The following ZFPM2 variants were observed in gnomAD, a reference collection of about 807,000 sequenced individuals.
ZFPM2 encodes the protein zinc finger protein, FOG family member 2, also known as zinc finger protein ZFPM2.
Under a neutral mutation model 98.6 loss-of-function variants are expected in ZFPM2, and 20 were observed. The ratio of observed to expected loss-of-function variants is 0.20; its 90% confidence interval spans 0.14 to 0.29. The LOEUF (loss-of-function observed/expected upper bound fraction) is 0.29. Among genes scored for constraint, ZFPM2 ranks in the 10% least tolerant of loss-of-function variants. The pLI, the probability that ZFPM2 is intolerant of heterozygous loss-of-function variation, is 1.00. For synonymous variants in ZFPM2, 518 were observed against 502.7 expected (o/e 1.03, Z -0.41); for missense variants, 1,310 against 1,388.6 (o/e 0.94, Z 0.90).
chr8:105,692,588 A>G (rs1293556103), intron 5 of ZFPM2, among the ~76,000 whole-genome samples: 1 of 152,244 alleles, frequency 6.6e-6, no homozygotes, highest in Non-Finnish European at 1.5e-5. Flanking sequence ...CTATTGGAAT[A>G]TGGATGAAGA....
chr8:105,444,874 A>G (rs1812335678), intron 3 of ZFPM2, among the ~76,000 whole-genome samples: 1 of 152,146 alleles, frequency 6.6e-6, no homozygotes, highest in East Asian at 1.9e-4. Context: ...ATTACATTTG[A>G]TTTTAATGAT....
chr8:105,749,191 G>A (rs1343196945), intron 5 of ZFPM2, among the ~76,000 whole-genome samples: 2 of 152,044 alleles, frequency 1.3e-5, no homozygotes, highest in Non-Finnish European at 2.9e-5. Context: ...AAAAGATTGT[G>A]TAAAGATGGT....
chr8:105,443,338 A>AAAAAC (rs1554605250), intron 2 of ZFPM2, among the ~76,000 whole-genome samples: 1 of 151,002 alleles, frequency 6.6e-6, no homozygotes, highest in Non-Finnish European at 1.5e-5. Context: ...AAAAAAAAAA[A>AAAAAC]ACTTGGCATT....
At chr8:105,493,157 TA>T (rs1039289345) in intron 3 of ZFPM2, among the ~76,000 whole-genome samples, 1 of 152,190 alleles carries the variant, frequency 6.6e-6, no homozygotes, top group African/African-American at 2.4e-5. Context: ...CATTGCAAAT[TA>T]AAAGTTTGTT....
chr8:105,489,466 A>ATATATATATATATATTTTTTT (rs1554610604), intron 3 of ZFPM2, among the ~76,000 whole-genome samples: 2 of 119,778 alleles, frequency 1.7e-5, no homozygotes, highest in African/African-American at 7.2e-5. Flanking sequence ...ATATATATAT[A>ATATATATATATATATTTTTTT]TTTTTTTTTT....
At chr8:105,715,294 G>A (rs893255213) in intron 5 of ZFPM2, among the ~76,000 whole-genome samples, 1 of 151,662 alleles carries the variant, frequency 6.6e-6, no homozygotes, top group Non-Finnish European at 1.5e-5. Context: ...CAGCTATTCA[G>A]GAGGCTGAGA....
chr8:105,737,983 AG>A (rs36044066), intron 5 of ZFPM2, among the ~76,000 whole-genome samples: 38,643 of 151,872 alleles, frequency 0.25, 5,350 homozygotes, highest in East Asian at 0.33. Context: ...TAAAAAGATG[AG>A]GAAAAAAAAG....
At chr8:105,700,321 A>C (rs1444650031) in intron 5 of ZFPM2, among the ~76,000 whole-genome samples, 2 of 152,210 alleles carry the variant, frequency 1.3e-5, no homozygotes, top group African/African-American at 4.8e-5. Flanking sequence ...CAGGTTTTCA[A>C]GAATTATTAC....
intron 3 of ZFPM2, among the ~76,000 whole-genome samples, chr8:105,507,375 G>C (rs973935013): frequency 1.3e-5 from 2 of 152,158 alleles, no homozygotes; most frequent in African/African-American, 4.8e-5. Flanking sequence ...AATTATTATA[G>C]TTAGGCAATC....
At chr8:105,715,276 T>C (rs1336298728) in intron 5 of ZFPM2, among the ~76,000 whole-genome samples, 10 of 151,904 alleles carry the variant, frequency 6.6e-5, no homozygotes, top group Non-Finnish European at 1.2e-4. Flanking sequence ...GGTGTGCATC[T>C]GTAGTCCCAG....
At chr8:105,335,527 C>T (rs1438310448) in intron 1 of ZFPM2, among the ~76,000 whole-genome samples, 1 of 151,666 alleles carries the variant, frequency 6.6e-6, no homozygotes, top group Non-Finnish European at 1.5e-5. Flanking sequence ...GTCTTGCCAT[C>T]AAGAATTCTA....
chr8:105,710,529 T>C (rs1464845747), intron 5 of ZFPM2, among the ~76,000 whole-genome samples: 1 of 152,192 alleles, frequency 6.6e-6, no homozygotes, highest in Non-Finnish European at 1.5e-5. Flanking sequence ...CTATAGTCTA[T>C]CTTCAAATTG....
At chr8:105,405,570 G>T (rs533884599) in intron 1 of ZFPM2, among the ~76,000 whole-genome samples, 1 of 151,814 alleles carries the variant, frequency 6.6e-6, no homozygotes, top group African/African-American at 2.4e-5. Flanking sequence ...GAGAATGATG[G>T]TTTCCAGCTT....
chr8:105,612,267 AG>A (rs1419087747), intron 4 of ZFPM2, among the ~76,000 whole-genome samples: 1 of 152,198 alleles, frequency 6.6e-6, no homozygotes, highest in Non-Finnish European at 1.5e-5. Flanking sequence ...GCATTTCAAA[AG>A]GGCATTTTTA....
At chr8:105,526,195 A>T (rs1356163580) in intron 3 of ZFPM2, among the ~76,000 whole-genome samples, 1 of 152,112 alleles carries the variant, frequency 6.6e-6, no homozygotes, top group East Asian at 1.9e-4. Flanking sequence ...TCTTGAAAAT[A>T]TTCTCACTCA....
chr8:105,429,231 TG>T (rs1482725152), intron 2 of ZFPM2, among the ~76,000 whole-genome samples: 1 of 152,094 alleles, frequency 6.6e-6, no homozygotes, highest in Non-Finnish European at 1.5e-5. Context: ...TTTTTTTCAA[TG>T]CAAATTATGG....
chr8:105,690,896 A>G (rs1779740427), intron 5 of ZFPM2: 2 of 152,184 alleles, frequency 1.3e-5, no homozygotes, highest in Admixed American at 6.5e-5. Context: ...TAGGGAAACT[A>G]TCTAGAGAGT....
chr8:105,473,973 C>A (rs1812961222), intron 3 of ZFPM2, among the ~76,000 whole-genome samples: 1 of 152,172 alleles, frequency 6.6e-6, no homozygotes, highest in African/African-American at 2.4e-5. Flanking sequence ...AGTTCCAAAG[C>A]ACTTACAGGG....
intron 3 of ZFPM2, among the ~76,000 whole-genome samples, chr8:105,523,962 C>T (rs1563698662): frequency 1.3e-5 from 2 of 152,136 alleles, no homozygotes; most frequent in African/African-American, 2.4e-5. Context: ...GACTTCTCCC[C>T]AGACTGCTCC....
Sources: allele counts gnomAD v4.1 joint callset (sites outside exome capture counted in the v4.1 genomes callset), GRCh38; gene constraint gnomAD v4.1.1; transcripts MANE v1.5; gene names NCBI Gene and HGNC (gene_info 2026-07-23, HGNC 2026-07-21).